FAM53A: variants seen among roughly 807,000 people sequenced by gnomAD.
The protein encoded by FAM53A is family with sequence similarity 53 member A.
In FAM53A, 28 loss-of-function variants were observed where a neutral mutation model predicts 26.6. The ratio of observed to expected loss-of-function variants is 1.05; its 90% CI spans 0.78 to 1.45. FAM53A has a LOEUF of 1.45. Among genes scored for constraint, FAM53A ranks in the 40% most tolerant of loss-of-function variants. The pLI is 0.00. For missense variants in FAM53A, 650 were observed against 575.8 expected (o/e 1.13, Z -1.32); for synonymous variants, 290 against 253.1 (o/e 1.15, Z -1.38).
chr4:1,595,037 A>G, the FAM53A span, among the ~76,000 whole-genome samples: 2,420 of 152,308 alleles, frequency 0.016, 67 homozygotes, highest in African/African-American at 0.055. Flanking sequence ...ATGGAGACAC[A>G]GCTTGCTCAT....
At chr4:1,674,396 G>A (rs1418873225) in intron 1 of FAM53A, among the ~76,000 whole-genome samples, 6 of 152,194 alleles carry the variant, frequency 3.9e-5, no homozygotes, top group East Asian at 1.9e-4. Flanking sequence ...CTGGCCGGGC[G>A]CGGTGGCTCA....
At chr4:1,654,188 A>T (rs986178581) in intron 4 of FAM53A, among the ~76,000 whole-genome samples, 6 of 151,984 alleles carry the variant, frequency 3.9e-5, no homozygotes, top group Non-Finnish European at 8.8e-5. Context: ...CCACTGCCCA[A>T]AGCTTCCCCG....
At chr4:1,660,901 T>G (rs1028598797) in intron 2 of FAM53A, among the ~76,000 whole-genome samples, 1 of 149,716 alleles carries the variant, frequency 6.7e-6, no homozygotes, top group African/African-American at 2.4e-5. Context: ...AAACTAAAAG[T>G]TTTTTAAAAA....
chr4:1,611,375 G>C, the FAM53A span, among the ~76,000 whole-genome samples: 1 of 152,188 alleles, frequency 6.6e-6, no homozygotes, highest in South Asian at 2.1e-4. Flanking sequence ...CCGTCCTCCT[G>C]GCCTGTCCTG....
At chr4:1,672,616 T>C (rs1405396437) in intron 1 of FAM53A, among the ~76,000 whole-genome samples, 1 of 151,750 alleles carries the variant, frequency 6.6e-6, no homozygotes, top group Admixed American at 6.6e-5. Flanking sequence ...CTCAGAGTGA[T>C]CCCCAAAAGA....
At chr4:1,607,664 G>A in the FAM53A span, among the ~76,000 whole-genome samples, 1 of 152,150 alleles carries the variant, frequency 6.6e-6, no homozygotes, top group African/African-American at 2.4e-5. Flanking sequence ...GCCCAGTCCG[G>A]GTGCAGTGGC....
chr4:1,672,128 A>G (rs1019853158), intron 1 of FAM53A, among the ~76,000 whole-genome samples: 3 of 148,910 alleles, frequency 2.0e-5, no homozygotes, highest in Non-Finnish European at 4.5e-5. Context: ...GAACCCAGGG[A>G]CCTAGGGACC....
chr4:1,627,146 G>C (rs1333645245), intron 1 of FAM53A, among the ~76,000 whole-genome samples: 3 of 152,166 alleles, frequency 2.0e-5, no homozygotes, highest in African/African-American at 7.2e-5. Flanking sequence ...GCTTGGCCTT[G>C]CACCCTCACA....
intron 1 of FAM53A, among the ~76,000 whole-genome samples, chr4:1,670,293 T>C (rs148928338): frequency 6.6e-6 from 1 of 152,310 alleles, no homozygotes; most frequent in African/African-American, 2.4e-5. Context: ...GAAACCAACA[T>C]GCACTTCCCT....
At chr4:1,633,884 A>G (rs1310609608) in intron 1 of FAM53A, among the ~76,000 whole-genome samples, 1 of 152,132 alleles carries the variant, frequency 6.6e-6, no homozygotes, top group Non-Finnish European at 1.5e-5. Flanking sequence ...GCAGGAAAAG[A>G]GAAAAGGGGG....
chr4:1,655,107 C>T lies in FAM53A; in HGVS notation c.753G>A (p.Gly251=), dbSNP rs1264049996. ...SSPTSTPALG[G]RRGLLRCRSQ... is the part of the protein sequence containing the mutation. Reference sequence around the variant, plus strand: ...AGCGGCACCGGAGCAGCCCACGGCGCCCGCCCAGCGCAGGCGTGGACGTGG... The same window carrying T: ...AGCGGCACCGGAGCAGCCCACGGCGTCCGCCCAGCGCAGGCGTGGACGTGG... The change falls in exon 4 of 5, where the codon GGG becomes GGA. Residue 251 remains glycine, a synonymous_variant. Coordinates refer to ENST00000308132, the MANE Select transcript of FAM53A (RefSeq NM_001174070.3). The T allele has an allele frequency of 2.5e-6, 4 of 1,600,746 alleles. No individual in the cohort carries two copies. In the Admixed American group the frequency reaches 6.8e-5, roughly 27 times the overall value.
At chr4:1,608,287 G>A in the FAM53A span, among the ~76,000 whole-genome samples, 1 of 152,058 alleles carries the variant, frequency 6.6e-6, no homozygotes, top group African/African-American at 2.4e-5. Context: ...CCCACCCCAG[G>A]CGGCCCCTCC....
chr4:1,664,822 A>T (rs1268459475), intron 2 of FAM53A, among the ~76,000 whole-genome samples: 1 of 151,826 alleles, frequency 6.6e-6, no homozygotes, highest in Non-Finnish European at 1.5e-5. Context: ...TACTAAAAAT[A>T]CAAAAATTAG....
chr4:1,642,665 C>T lies in FAM53A; in HGVS notation c.883-1058G>A, dbSNP rs1047680671. 6.6e-5 allele frequency among the ~76,000 whole-genome samples: 10 copies of T among 151,866 alleles called. 1 individual carries two copies. Among genetic ancestry groups the T allele is most frequent in the African/African-American group, 2.2e-4 (9 of 41,278 alleles). On this transcript the variant is annotated intron_variant, in intron 4 of 4. Transcript: ENST00000308132. ...CACCAGCCCCTCAGCACTCCCGGGC[C>T]CCCACCCCCCGCCACCTCCCAGTCC...
the FAM53A span, among the ~76,000 whole-genome samples, chr4:1,599,587 G>A: frequency 6.6e-6 from 1 of 152,176 alleles, no homozygotes; most frequent in Admixed American, 6.5e-5. The surrounding 1 kb of genome is among the most constrained non-coding windows in gnomAD (Gnocchi z 6.1). Context: ...GGTGGGGACT[G>A]CCCTCAGCCC....
chr4:1,609,770 C>G, the FAM53A span, among the ~76,000 whole-genome samples: 7 of 152,090 alleles, frequency 4.6e-5, no homozygotes, highest in South Asian at 4.2e-4. Flanking sequence ...CAAGACCAGC[C>G]TGGCCAATAT....
chr4:1,682,889 A>G (rs953364971), intron 1 of FAM53A, among the ~76,000 whole-genome samples: 3 of 152,234 alleles, frequency 2.0e-5, no homozygotes, highest in African/African-American at 7.2e-5. Flanking sequence ...AAACATAAGG[A>G]CGCATCCAAA....
intron 1 of FAM53A, among the ~76,000 whole-genome samples, chr4:1,618,518 C>T (rs560480298): frequency 1.3e-5 from 2 of 152,266 alleles, no homozygotes; most frequent in South Asian, 4.2e-4. Context: ...GTCTCCTGGC[C>T]CTGCTGTGCC....
At chr4:1,604,132 G>C in the FAM53A span, among the ~76,000 whole-genome samples, 2 of 152,224 alleles carry the variant, frequency 1.3e-5, no homozygotes, top group Non-Finnish European at 2.9e-5. Context: ...ATTTGGGGTG[G>C]ACAGGACCCG....
Sources: allele counts gnomAD v4.1 joint callset (sites outside exome capture counted in the v4.1 genomes callset), GRCh38; gene constraint gnomAD v4.1.1; non-coding constraint Gnocchi (gnomAD v3.1); transcripts MANE v1.5; gene names NCBI Gene and HGNC (gene_info 2026-07-23, HGNC 2026-07-21).